The following PARD3 variants were observed in gnomAD, a reference collection of about 807,000 sequenced individuals.
The protein encoded by PARD3 is par-3 family cell polarity regulator.
Under a neutral mutation model 155.4 loss-of-function variants are expected in PARD3, and 75 were observed. That is an observed-to-expected ratio of 0.48 (90% CI 0.40 to 0.58). The LOEUF (loss-of-function observed/expected upper bound fraction) is 0.58, where lower values mean the gene tolerates loss of function less well. PARD3 is among the 20% of genes least tolerant of loss of function. PARD3 has a pLI of 0.00. For synonymous variants in PARD3, 576 were observed against 610.5 expected (o/e 0.94, Z 0.83); for missense variants, 1,642 against 1,721.7 (o/e 0.95, Z 0.82).
At chr10:34,370,527 A>G (rs938069444) in intron 12 of PARD3, among the ~76,000 whole-genome samples, 1 of 152,128 alleles carries the variant, frequency 6.6e-6, no homozygotes, top group African/African-American at 2.4e-5. Flanking sequence ...TGATCCTCCC[A>G]AAGTGCTAGG....
At chr10:34,139,077 G>C (rs576947763) in intron 22 of PARD3, among the ~76,000 whole-genome samples, 8 of 152,178 alleles carry the variant, frequency 5.3e-5, no homozygotes, top group African/African-American at 1.9e-4. Context: ...TAGCTGCCAA[G>C]CTCTCTGCTT....
chr10:34,149,283 T>C (rs1049052299), intron 22 of PARD3, among the ~76,000 whole-genome samples: 1 of 152,132 alleles, frequency 6.6e-6, no homozygotes, highest in South Asian at 2.1e-4. Context: ...TGAAACAGAC[T>C]TCCCCCTTTC....
intron 5 of PARD3, among the ~76,000 whole-genome samples, chr10:34,429,704 G>C (rs2075807149): frequency 6.6e-6 from 1 of 152,106 alleles, no homozygotes; most frequent in Non-Finnish European, 1.5e-5. Context: ...TCCTGCCTCA[G>C]CCTCCCTAGT....
At chr10:34,696,103 G>A (rs891790050) in intron 2 of PARD3, among the ~76,000 whole-genome samples, 8 of 152,114 alleles carry the variant, frequency 5.3e-5, no homozygotes, top group African/African-American at 1.9e-4. Flanking sequence ...AAAACCTAGT[G>A]TTAAGTCCCA....
intron 2 of PARD3, among the ~76,000 whole-genome samples, chr10:34,562,426 A>G (rs2085570510): frequency 6.6e-6 from 1 of 151,990 alleles, no homozygotes; most frequent in Non-Finnish European, 1.5e-5. Flanking sequence ...ACAGAGTAAG[A>G]CTCTGTCTCA....
At chr10:34,172,744 A>C (rs1237449375) in intron 22 of PARD3, among the ~76,000 whole-genome samples, 6 of 142,246 alleles carry the variant, frequency 4.2e-5, no homozygotes, top group South Asian at 2.2e-4. Context: ...AAAACAAAAA[A>C]ACAACAAAAA....
chr10:34,134,779 A>G (rs564242999), intron 22 of PARD3, among the ~76,000 whole-genome samples: 1 of 152,248 alleles, frequency 6.6e-6, no homozygotes, highest in East Asian at 1.9e-4. Flanking sequence ...AAAGACTGGA[A>G]GACCGTCAAG....
rs3041198 is a variant in PARD3, at chr10:34,562,123, CAAAAAAAAAAAAAAAA to C, written c.223-44980_223-44965del. On this transcript the variant is annotated intron_variant, in intron 2 of 24. Coordinates refer to ENST00000374788, the MANE Select transcript of PARD3 (RefSeq NM_001184785.2). ...CCTGGGTGACGGAGCCTGACTGTCTCAAAAAAAAAAAAAAAAAAAAAAAAAAAAAGGCTTGTTGGGG... is the reference window on the plus strand; with the variant it reads ...CCTGGGTGACGGAGCCTGACTGTCTCAAAAAAAAAAAAAGGCTTGTTGGGG... Among the ~76,000 whole-genome samples, 44 of 26,366 alleles carry C rather than the reference CAAAAAAAAAAAAAAAA, an allele frequency of 1.7e-3. 1 individual carries two copies. The highest frequency in any genetic ancestry group is 5.2e-3 in the African/African-American group (41 of 7,810). 17.3% of individuals were successfully genotyped at this position (26,366 alleles called of 152,430 possible).
intron 5 of PARD3, among the ~76,000 whole-genome samples, chr10:34,432,332 G>GCACACACACA (rs1284264665): frequency 4.2e-5 from 3 of 70,854 alleles, no homozygotes; most frequent in East Asian, 7.1e-4. Context: ...ATATACACGT[G>GCACACACACA]CACATACACA....
intron 1 of PARD3, among the ~76,000 whole-genome samples, chr10:34,755,101 A>G (rs1443992331): frequency 2.1e-5 from 3 of 142,162 alleles, no homozygotes; most frequent in Admixed American, 6.7e-5. Context: ...GACAGCTTCA[A>G]GAAGAATTGC....
chr10:34,186,447 G>C (rs1425054194), intron 22 of PARD3, among the ~76,000 whole-genome samples: 1 of 151,920 alleles, frequency 6.6e-6, no homozygotes, highest in African/African-American at 2.4e-5. Context: ...GTGCAGGCTG[G>C]AATTTGGACC....
chr10:34,598,552 G>A (rs2089493521), intron 2 of PARD3, among the ~76,000 whole-genome samples: 1 of 152,144 alleles, frequency 6.6e-6, no homozygotes, highest in Admixed American at 6.5e-5. Flanking sequence ...TTTAAATCGA[G>A]GGAAGAGTGA....
chr10:34,645,562 T>C (rs1341220362), intron 2 of PARD3, among the ~76,000 whole-genome samples: 1 of 152,218 alleles, frequency 6.6e-6, no homozygotes, highest in Non-Finnish European at 1.5e-5. Flanking sequence ...TAAATTTACT[T>C]GTAACCCTGG....
intron 1 of PARD3, among the ~76,000 whole-genome samples, chr10:34,712,637 T>C (rs188018074): frequency 4.1e-4 from 63 of 152,130 alleles, no homozygotes; most frequent in Non-Finnish European, 7.6e-4. Context: ...TAGGACACAC[T>C]GATTCTTCCA....
At chr10:34,171,156 C>T (rs2133117007) in intron 22 of PARD3, among the ~76,000 whole-genome samples, 1 of 152,314 alleles carries the variant, frequency 6.6e-6, no homozygotes, top group African/African-American at 2.4e-5. Context: ...AAGATGGTAT[C>T]CATACAATCA....
intron 22 of PARD3, among the ~76,000 whole-genome samples, chr10:34,258,122 A>G (rs533608782): frequency 5.1e-4 from 77 of 152,344 alleles, no homozygotes; most frequent in Admixed American, 1.3e-3. Flanking sequence ...GATGTCTTAC[A>G]GGCCCGTAAA....
chr10:34,429,052 T>C (rs2075767101), intron 5 of PARD3, among the ~76,000 whole-genome samples: 1 of 152,208 alleles, frequency 6.6e-6, no homozygotes, highest in African/African-American at 2.4e-5. Context: ...GCTTATAAAT[T>C]CAGGTTGTAA....
intron 2 of PARD3, among the ~76,000 whole-genome samples, chr10:34,579,059 C>A (rs2087152694): frequency 6.6e-6 from 1 of 152,130 alleles, no homozygotes; most frequent in Admixed American, 6.5e-5. Context: ...ATCACAGAGT[C>A]AGGAGTTCAA....
At chr10:34,443,055 G>GA (rs761289062) in intron 5 of PARD3, among the ~76,000 whole-genome samples, 3 of 149,224 alleles carry the variant, frequency 2.0e-5, no homozygotes, top group African/African-American at 7.4e-5. Context: ...CAGATCAGTG[G>GA]AAAAAAAACA....
Sources: allele counts gnomAD v4.1 joint callset (sites outside exome capture counted in the v4.1 genomes callset), GRCh38; gene constraint gnomAD v4.1.1; transcripts MANE v1.5; gene names NCBI Gene and HGNC (gene_info 2026-07-23, HGNC 2026-07-21).